Variants in IDO2 observed in about 807,000 individuals in gnomAD.
IDO2 encodes indoleamine 2,3-dioxygenase-like 1 protein.
In IDO2, 46 loss-of-function variants were observed where a neutral mutation model predicts 45.1. The ratio of observed to expected loss-of-function variants is 1.02; its 90% confidence interval spans 0.80 to 1.30. IDO2 has a LOEUF of 1.30. IDO2 is among the 50% of genes most tolerant of loss of function. The pLI is 0.00. For synonymous variants in IDO2, 218 were observed against 184.9 expected (o/e 1.18, Z -1.45); for missense variants, 544 against 491.8 (o/e 1.11, Z -1.00).
At chr8:39,975,085 C>A (rs1296949177) in intron 3 of IDO2, among the ~76,000 whole-genome samples, 1 of 151,852 alleles carries the variant, frequency 6.6e-6, no homozygotes, top group Non-Finnish European at 1.5e-5. Context: ...CCACTGTACT[C>A]CAGCCTGGGA....
intron 5 of IDO2, 77 bp from the exon 6 acceptor site, chr8:39,985,431 A>G (rs1808408912): frequency 7.8e-7 from 1 of 1,279,350 alleles, no homozygotes; most frequent in South Asian, 1.3e-5. Context: ...AGTTATTAAT[A>G]TATCTGGTTT....
At chr8:39,963,547 C>T in intron 2 of IDO2, 61 bp from the exon 3 acceptor site, 1 of 935,850 alleles carries the variant, frequency 1.1e-6, no homozygotes, top group Non-Finnish European at 1.6e-6. Flanking sequence ...AAAATAGCTA[C>T]TCTCGGAAGC....
intron 1 of IDO2, among the ~76,000 whole-genome samples, chr8:39,943,396 T>C (rs1361754685): frequency 6.6e-6 from 1 of 151,074 alleles, no homozygotes; most frequent in Non-Finnish European, 1.5e-5. Context: ...TCTTAAGAAA[T>C]TAGGTGTAGA....
intron 2 of IDO2, among the ~76,000 whole-genome samples, chr8:39,957,293 T>C (rs1033644209): frequency 1.6e-4 from 24 of 152,082 alleles, no homozygotes; most frequent in African/African-American, 5.3e-4. Context: ...ACACATTCTG[T>C]TCATAGCAGT....
chr8:40,006,299 T>C (rs908837856), intron 9 of IDO2, among the ~76,000 whole-genome samples: 3 of 152,240 alleles, frequency 2.0e-5, no homozygotes, highest in Non-Finnish European at 4.4e-5. Context: ...ATTCAACATG[T>C]TGACATAAAT....
chr8:39,991,863 G>A (rs1027234795), intron 8 of IDO2, among the ~76,000 whole-genome samples: 6 of 152,282 alleles, frequency 3.9e-5, no homozygotes, highest in South Asian at 2.1e-4. Flanking sequence ...GAGCCACTGC[G>A]CCCAGCTCAG....
At chr8:39,989,571 A>C (rs146460334) in intron 7 of IDO2, 150 bp from the exon 8 acceptor site, 207 of 567,252 alleles carry the variant, frequency 3.6e-4, no homozygotes, top group African/African-American at 3.5e-3. Flanking sequence ...CTGTCAGGCC[A>C]ACCCCACAGT....
exon 11 of IDO2, chr8:40,015,822 C>T (rs547849311): frequency 1.5e-4 from 79 of 533,364 alleles, no homozygotes; most frequent in Non-Finnish European, 2.3e-4. Context: ...CACTGCTTAA[C>T]GGCATGTATA....
chr8:40,015,533 C>A lies in IDO2; in HGVS notation c.1155C>A (p.Thr385=), dbSNP rs377700687. The change falls in exon 11 of 11, where the codon ACC becomes ACA. Residue 385 remains threonine (T), a synonymous_variant. Coordinates refer to ENST00000502986, the Ensembl canonical transcript of IDO2. ...TAAAAGACAGGGGCACAGGTGGAAC[C>A]GCAGTTATGAGCTTTCTTAAGAGTG... 2.5e-6 allele frequency: 4 copies of A among 1,613,858 alleles called. No homozygotes were observed. The African/African-American group carries it at 4.0e-5, about 16-fold the overall frequency.
intron 3 of IDO2, among the ~76,000 whole-genome samples, chr8:39,970,716 T>C (rs2129594077): frequency 6.6e-6 from 1 of 150,660 alleles, no homozygotes; most frequent in Admixed American, 6.6e-5. Context: ...AAATAGGTGT[T>C]CAATGCAGAC....
chr8:40,008,600 T>A (rs1802258331), intron 9 of IDO2, among the ~76,000 whole-genome samples: 1 of 152,206 alleles, frequency 6.6e-6, no homozygotes, highest in South Asian at 2.1e-4. Context: ...AGAATTATGA[T>A]AAGAATCTTG....
chr8:40,008,486 T>C (rs1265810419), intron 9 of IDO2, among the ~76,000 whole-genome samples: 5 of 152,220 alleles, frequency 3.3e-5, no homozygotes, highest in African/African-American at 2.4e-5. Context: ...TAACTCCCTA[T>C]GTCAAGGTCA....
intron 1 of IDO2, among the ~76,000 whole-genome samples, chr8:39,936,915 C>A (rs1807561566): frequency 6.6e-6 from 1 of 152,198 alleles, no homozygotes; most frequent in East Asian, 1.9e-4. Flanking sequence ...CCCCTAAGGC[C>A]TTATCACCTC....
chr8:39,949,262 C>CTGGTAAGGATAGAGCCT lies in IDO2; in HGVS notation c.99+11_99+27dup. ...GTATGGCTTTCTTCTTCCAGATTCT[C>CTGGTAAGGATAGAGCCT]TGGTAAGGATAGAGCCTTGGTAAGG... On this transcript the variant is annotated frameshift_variant and splice_region_variant, in exon 2 of 11. Transcript: ENST00000502986. LOFTEE classifies it high-confidence loss of function. 1 of 1,584,726 alleles carries CTGGTAAGGATAGAGCCT rather than the reference C, an allele frequency of 6.3e-7. No individual in the cohort carries two copies. Among genetic ancestry groups the CTGGTAAGGATAGAGCCT allele is most frequent in the Non-Finnish European group, 8.6e-7 (1 of 1,163,536 alleles).
In IDO2 at chr8:40,008,089, C is replaced by T. The variant is rs180739853; in HGVS notation, c.719+2711C>T. 2.8e-3 allele frequency among the ~76,000 whole-genome samples: 414 copies of T among 148,570 alleles called. 1 individual carries two copies. Among genetic ancestry groups the T allele is most frequent in the Non-Finnish European group, 3.7e-3 (248 of 67,576 alleles). On this transcript the variant is annotated intron_variant, in intron 9 of 10. Coordinates refer to ENST00000502986, the Ensembl canonical transcript of IDO2. Reference sequence around the variant, plus strand: ...TGAGACAGAGTCTTGCTTTGTCACCCAGGCTGGGGTGCAGTGGCACGATCT... The same window carrying T: ...TGAGACAGAGTCTTGCTTTGTCACCTAGGCTGGGGTGCAGTGGCACGATCT...
At chr8:39,991,083 C>A (rs1021920080) in intron 8 of IDO2, among the ~76,000 whole-genome samples, 40 of 152,248 alleles carry the variant, frequency 2.6e-4, no homozygotes, top group African/African-American at 9.1e-4. Context: ...GAGAAAGACG[C>A]TAGGTACTGC....
At chr8:39,963,357 A>G (rs935222482) in intron 2 of IDO2, among the ~76,000 whole-genome samples, 1 of 152,234 alleles carries the variant, frequency 6.6e-6, no homozygotes, top group Non-Finnish European at 1.5e-5. Flanking sequence ...GATATCAGTA[A>G]TTAAACATAT....
At chr8:39,979,966 C>T (rs185820431) in intron 4 of IDO2, among the ~76,000 whole-genome samples, 1 of 152,294 alleles carries the variant, frequency 6.6e-6, no homozygotes, top group Non-Finnish European at 1.5e-5. Context: ...GGGCTACCAG[C>T]ATGTACCGCC....
chr8:39,978,629 C>T (rs1380257612), intron 3 of IDO2, among the ~76,000 whole-genome samples: 10 of 152,022 alleles, frequency 6.6e-5, no homozygotes, highest in Non-Finnish European at 1.5e-4. Flanking sequence ...GAACACCCAC[C>T]GCACAGGGCT....
Sources: gnomAD v4.1 joint callset for allele counts (sites outside exome capture counted in the v4.1 genomes callset) on GRCh38, gnomAD v4.1.1 for gene constraint, MANE v1.5 for transcripts, NCBI Gene and HGNC (gene_info 2026-07-23, HGNC 2026-07-21) for gene names.